The following PKNOX2 variants were observed in gnomAD, a reference collection of about 807,000 sequenced individuals.
PKNOX2 encodes homeobox protein PKNOX2.
Under a neutral mutation model 53.1 loss-of-function variants are expected in PKNOX2, and 14 were observed. The ratio of observed to expected loss-of-function variants is 0.26; its 90% CI spans 0.17 to 0.41. PKNOX2 has a LOEUF of 0.41. Among genes scored for constraint, PKNOX2 ranks in the 10% least tolerant of loss-of-function variants. The pLI is 1.00. For synonymous variants in PKNOX2, 257 were observed against 242.8 expected (o/e 1.06, Z -0.54); for missense variants, 496 against 602.8 (o/e 0.82, Z 1.85).
At chr11:125,301,159 G>A (rs1948036069) in intron 2 of PKNOX2, among the ~76,000 whole-genome samples, 2 of 152,126 alleles carry the variant, frequency 1.3e-5, no homozygotes, top group South Asian at 2.1e-4. Flanking sequence ...TTCAGGGAGC[G>A]CTGTTTGGAG....
chr11:125,239,403 C>T (rs893628080), intron 2 of PKNOX2, among the ~76,000 whole-genome samples: 2 of 152,172 alleles, frequency 1.3e-5, no homozygotes, highest in African/African-American at 4.8e-5. Context: ...CTCTCAAAAA[C>T]AGCTCAGAAT....
intron 2 of PKNOX2, among the ~76,000 whole-genome samples, chr11:125,283,299 AATG>A: frequency 6.6e-6 from 1 of 152,270 alleles, no homozygotes; most frequent in East Asian, 1.9e-4. Flanking sequence ...CAGGGAAATG[AATG>A]GGTAAGTGGC....
intron 2 of PKNOX2, among the ~76,000 whole-genome samples, chr11:125,252,288 G>T (rs1478637113): frequency 6.6e-6 from 1 of 152,190 alleles, no homozygotes; most frequent in Non-Finnish European, 1.5e-5. Context: ...GTGGGACAAA[G>T]GCTGTGGGGA....
chr11:125,305,554 C>T (rs973269934), intron 2 of PKNOX2, among the ~76,000 whole-genome samples: 7 of 152,190 alleles, frequency 4.6e-5, no homozygotes, highest in Admixed American at 3.9e-4. Flanking sequence ...GGCAGTGATC[C>T]GGCATAGCTG....
chr11:125,186,086 G>GT (rs1956433136), intron 1 of PKNOX2, among the ~76,000 whole-genome samples: 1 of 147,020 alleles, frequency 6.8e-6, no homozygotes, highest in Admixed American at 6.9e-5. Flanking sequence ...GTATCTCATT[G>GT]TGAAGATAGA....
At chr11:125,411,994 G>T in intron 10 of PKNOX2, 129 bp downstream of exon 10, 1 of 1,441,654 alleles carries the variant, frequency 6.9e-7, no homozygotes, top group South Asian at 1.3e-5. Context: ...AGAGCTCTCT[G>T]ATAGGAATGA....
At chr11:125,265,212 A>G (rs1310386582) in intron 2 of PKNOX2, among the ~76,000 whole-genome samples, 1 of 151,762 alleles carries the variant, frequency 6.6e-6, no homozygotes, top group African/African-American at 2.4e-5. Context: ...CCGTGAACCC[A>G]GGAAGTGGAG....
At position 125,352,162 on chromosome 11, in the gene PKNOX2, TC is replaced by T. The variant is rs1951361753; in HGVS notation, c.87+775del. Among the ~76,000 whole-genome samples the T allele has an allele frequency of 6.6e-6, 1 of 152,256 alleles. No individual in the cohort carries two copies. Among genetic ancestry groups the T allele is most frequent in the South Asian group, 2.1e-4 (1 of 4,812 alleles). On this transcript the variant is annotated intron_variant, in intron 4 of 12. Transcript: ENST00000298282. The surrounding 1 kb of genome is among the most constrained non-coding windows in gnomAD (Gnocchi z 4.1). ...AGACCAGCCGCTTTTCCTTTTTGCT[TC>T]CCCCAGGTGCTCCTCTTGTCCACCC...
At chr11:125,350,805 A>G (rs1419806400) in intron 3 of PKNOX2, among the ~76,000 whole-genome samples, 1 of 152,130 alleles carries the variant, frequency 6.6e-6, no homozygotes, top group Non-Finnish European at 1.5e-5. Context: ...GGAATCCCGT[A>G]GCTGGCCTGA....
At chr11:125,310,934 A>G (rs1018297999) in intron 2 of PKNOX2, among the ~76,000 whole-genome samples, 2 of 151,736 alleles carry the variant, frequency 1.3e-5, no homozygotes, top group Non-Finnish European at 2.9e-5. Flanking sequence ...CTGCCCCGGG[A>G]TATAGCTGCC....
intron 1 of PKNOX2, among the ~76,000 whole-genome samples, chr11:125,199,313 C>T (rs985926996): frequency 3.9e-5 from 6 of 152,266 alleles, no homozygotes; most frequent in South Asian, 2.1e-4. Context: ...AGGGGGAGAA[C>T]GGCTGCTCCC....
chr11:125,255,375 A>G (rs1430092009), intron 2 of PKNOX2, among the ~76,000 whole-genome samples: 1 of 152,136 alleles, frequency 6.6e-6, no homozygotes, highest in Non-Finnish European at 1.5e-5. Context: ...ATTTGAAATG[A>G]GCCCAGCCCA....
chr11:125,398,133 G>T, intron 7 of PKNOX2, 71 bp downstream of exon 7: 1 of 1,481,688 alleles, frequency 6.7e-7, no homozygotes, highest in African/African-American at 1.4e-5. Context: ...ACGCGTGGAG[G>T]AAGGTCCCCT....
intron 2 of PKNOX2, among the ~76,000 whole-genome samples, chr11:125,241,355 A>G (rs1377855770): frequency 6.6e-6 from 1 of 152,094 alleles, no homozygotes; most frequent in African/African-American, 2.4e-5. Context: ...GCCCTTGCTC[A>G]TTTATCTCCT....
At chr11:125,380,259 C>T (rs762352052) in intron 5 of PKNOX2, among the ~76,000 whole-genome samples, 16 of 152,166 alleles carry the variant, frequency 1.1e-4, no homozygotes, top group African/African-American at 2.9e-4. Flanking sequence ...TGGCTGGAAA[C>T]GACCTCTCTT....
At chr11:125,170,381 A>G (rs2135187471) in intron 1 of PKNOX2, among the ~76,000 whole-genome samples, 1 of 152,244 alleles carries the variant, frequency 6.6e-6, no homozygotes. Context: ...CACAGGCAAC[A>G]TCTTAGTCTC....
intron 6 of PKNOX2, among the ~76,000 whole-genome samples, chr11:125,393,526 G>A (rs1440493222): frequency 1.3e-5 from 2 of 152,140 alleles, no homozygotes; most frequent in Non-Finnish European, 2.9e-5. Flanking sequence ...CTAGAGGCTG[G>A]TCCAGGTCAC....
At chr11:125,202,381 G>A (rs575863894) in intron 1 of PKNOX2, among the ~76,000 whole-genome samples, 2 of 152,292 alleles carry the variant, frequency 1.3e-5, no homozygotes, top group South Asian at 4.1e-4. Flanking sequence ...GGGTGGGCAA[G>A]GAGTGGTGAC....
intron 2 of PKNOX2, among the ~76,000 whole-genome samples, chr11:125,248,906 G>GTA (rs67574170): frequency 3.2e-5 from 4 of 126,252 alleles, no homozygotes; most frequent in South Asian, 5.0e-4. Flanking sequence ...TATATATAAC[G>GTA]TATATATATA....
Sources: allele counts gnomAD v4.1 joint callset (sites outside exome capture counted in the v4.1 genomes callset), GRCh38; gene constraint gnomAD v4.1.1; non-coding constraint Gnocchi (gnomAD v3.1); transcripts MANE v1.5; gene names NCBI Gene and HGNC (gene_info 2026-07-23, HGNC 2026-07-21).